Variants in ATXN1 observed in about 807,000 individuals in gnomAD.
ATXN1 encodes the protein ataxin 1.
ATXN1 carries 8 observed loss-of-function variants against 56.4 expected under a neutral mutation model. That is an observed-to-expected ratio of 0.14 (90% CI 0.08 to 0.26). The LOEUF (loss-of-function observed/expected upper bound fraction) is 0.26, where lower values mean the gene tolerates loss of function less well. Among genes scored for constraint, ATXN1 ranks in the 10% least tolerant of loss-of-function variants. The pLI is 1.00. For synonymous variants in ATXN1, 514 were observed against 494.6 expected, an observed-to-expected ratio of 1.04 and a Z score of -0.52; for missense variants, 987 against 1,106.5, an observed-to-expected ratio of 0.89 and a Z score of 1.53.
chr6:16,524,457 C>T (rs902776491), intron 4 of ATXN1, among the ~76,000 whole-genome samples: 2 of 152,202 alleles, frequency 1.3e-5, no homozygotes, highest in Non-Finnish European at 1.5e-5. Flanking sequence ...GAGACGTCTA[C>T]AGTACGAATT....
At chr6:16,566,581 C>T (rs965488988) in intron 4 of ATXN1, among the ~76,000 whole-genome samples, 13 of 152,014 alleles carry the variant, frequency 8.6e-5, no homozygotes, top group African/African-American at 1.2e-4. Flanking sequence ...AGGCTGGGCG[C>T]GGTGGCTCAC....
At chr6:16,434,257 A>G (rs10456782) in intron 6 of ATXN1, among the ~76,000 whole-genome samples, 46,185 of 152,036 alleles carry the variant, frequency 0.3, 7,954 homozygotes, top group Middle Eastern at 0.48. Flanking sequence ...CTCCACTATT[A>G]AAGAAAAGAG....
chr6:16,597,255 G>A (rs567012978), intron 3 of ATXN1, among the ~76,000 whole-genome samples: 24 of 152,188 alleles, frequency 1.6e-4, no homozygotes, highest in Non-Finnish European at 3.1e-4. Flanking sequence ...AAGAATCTCC[G>A]GGGTATAAGA....
At chr6:16,744,780 C>T (rs930876489) in intron 2 of ATXN1, among the ~76,000 whole-genome samples, 6 of 152,208 alleles carry the variant, frequency 3.9e-5, no homozygotes, top group South Asian at 2.1e-4. Context: ...ATTTGAGCTG[C>T]GGTAATCTCA....
intron 2 of ATXN1, among the ~76,000 whole-genome samples, chr6:16,688,834 G>T (rs1015601828): frequency 6.6e-6 from 1 of 152,044 alleles, no homozygotes; most frequent in African/African-American, 2.4e-5. Flanking sequence ...TCTCATTTAT[G>T]ATATCCCTGA....
intron 5 of ATXN1, among the ~76,000 whole-genome samples, chr6:16,520,439 A>G (rs571436182): frequency 6.6e-6 from 1 of 152,318 alleles, no homozygotes; most frequent in Non-Finnish European, 1.5e-5. Context: ...GAAGGAAACC[A>G]AAGTAGCCAC....
chr6:16,439,486 G>A (rs13191231), intron 6 of ATXN1, among the ~76,000 whole-genome samples: 11,206 of 150,564 alleles, frequency 0.074, 632 homozygotes, highest in East Asian at 0.29. Flanking sequence ...AGCGTCCAGC[G>A]TCCTAACCAA....
At chr6:16,619,528 C>A (rs920733704) in intron 3 of ATXN1, among the ~76,000 whole-genome samples, 1 of 152,152 alleles carries the variant, frequency 6.6e-6, no homozygotes, top group African/African-American at 2.4e-5. Flanking sequence ...TGGTAAATAT[C>A]AGGCAGCTAG....
chr6:16,352,936 C>A (rs1453268299), intron 6 of ATXN1, among the ~76,000 whole-genome samples: 1 of 152,160 alleles, frequency 6.6e-6, no homozygotes, highest in Non-Finnish European at 1.5e-5. Flanking sequence ...GACTTGAACA[C>A]AAGCACTTCC....
intron 7 of ATXN1, among the ~76,000 whole-genome samples, chr6:16,321,567 T>G (rs1760653240): frequency 1.3e-5 from 2 of 152,218 alleles, no homozygotes; most frequent in African/African-American, 4.8e-5. Context: ...AAAGCTGTAC[T>G]GGGCAGGGCA....
chr6:16,614,528 G>A (rs967255564), intron 3 of ATXN1, among the ~76,000 whole-genome samples: 1 of 151,310 alleles, frequency 6.6e-6, no homozygotes, highest in African/African-American at 2.4e-5. Flanking sequence ...TGGGAAAGAG[G>A]GTTGAAAATT....
At chr6:16,604,484 G>A (rs1221153626) in intron 3 of ATXN1, among the ~76,000 whole-genome samples, 1 of 151,886 alleles carries the variant, frequency 6.6e-6, no homozygotes, top group Non-Finnish European at 1.5e-5. Context: ...GGGTGATGGA[G>A]AGAGACCCTG....
chr6:16,643,487 G>A (rs544307319), intron 3 of ATXN1, among the ~76,000 whole-genome samples: 1 of 151,954 alleles, frequency 6.6e-6, no homozygotes, highest in South Asian at 2.1e-4. Flanking sequence ...AAATTAGCCA[G>A]GTGTTGTCGT....
At chr6:16,634,746 G>A (rs987443884) in intron 3 of ATXN1, among the ~76,000 whole-genome samples, 1 of 152,080 alleles carries the variant, frequency 6.6e-6, no homozygotes. Context: ...TTTGCTTACT[G>A]GTTGTTTTTT....
chr6:16,663,242 T>A (rs1758359056), intron 2 of ATXN1, among the ~76,000 whole-genome samples: 1 of 152,130 alleles, frequency 6.6e-6, no homozygotes, highest in Non-Finnish European at 1.5e-5. Flanking sequence ...GTGCTAGGAT[T>A]ACAGGCAGGA....
chr6:16,660,825 T>C (rs915132584), intron 2 of ATXN1, among the ~76,000 whole-genome samples: 1 of 149,404 alleles, frequency 6.7e-6, no homozygotes, highest in South Asian at 2.1e-4. Flanking sequence ...AGGTTTATTT[T>C]GTTTTGGTTT....
chr6:16,372,075 C>T (rs924666369), intron 6 of ATXN1, among the ~76,000 whole-genome samples: 1 of 152,160 alleles, frequency 6.6e-6, no homozygotes, highest in East Asian at 1.9e-4. Flanking sequence ...TTTAAAATTG[C>T]TTTTTAGAAA....
intron 6 of ATXN1, among the ~76,000 whole-genome samples, chr6:16,465,181 G>C (rs1458986060): frequency 6.6e-6 from 1 of 152,178 alleles, no homozygotes; most frequent in Admixed American, 6.5e-5. Context: ...AAGGTGCAAC[G>C]GCTGGGTGTG....
At chr6:16,658,539 C>T (rs1022797306) in intron 2 of ATXN1, among the ~76,000 whole-genome samples, 2 of 152,160 alleles carry the variant, frequency 1.3e-5, no homozygotes, top group African/African-American at 4.8e-5. Context: ...ATATGCATGC[C>T]TCTTTACCCC....
Sources: allele counts gnomAD v4.1 joint callset (sites outside exome capture counted in the v4.1 genomes callset), GRCh38; gene constraint gnomAD v4.1.1; transcripts MANE v1.5; gene names NCBI Gene and HGNC (gene_info 2026-07-23, HGNC 2026-07-21).